GABRG3: variants seen among roughly 807,000 people sequenced by gnomAD.
GABRG3 encodes the protein gamma-aminobutyric acid receptor subunit gamma-3.
In GABRG3, 25 loss-of-function variants were observed where a neutral mutation model predicts 48.8. The observed-to-expected ratio is 0.51, with a 90% confidence interval of 0.37 to 0.72. The LOEUF (loss-of-function observed/expected upper bound fraction) is 0.72. Ranked by LOEUF, GABRG3 falls within the 30% of genes least tolerant of loss-of-function variation. The probability of loss-of-function intolerance (pLI) is 0.00; values close to 1 mark genes in which losing one functional copy is unlikely to be tolerated. For missense variants in GABRG3, 394 were observed against 577.9 expected (o/e 0.68, Z 3.26); for synonymous variants, 227 against 217.6 (o/e 1.04, Z -0.38).
chr15:27,501,871 G>T (rs1169062230), intron 6 of GABRG3, among the ~76,000 whole-genome samples: 2 of 152,076 alleles, frequency 1.3e-5, no homozygotes, highest in African/African-American at 4.8e-5. Flanking sequence ...GGAGAAGAGT[G>T]TGGGATGTGA....
intron 5 of GABRG3, among the ~76,000 whole-genome samples, chr15:27,344,617 T>G (rs1894303783): frequency 6.6e-6 from 1 of 152,196 alleles, no homozygotes; most frequent in South Asian, 2.1e-4. Flanking sequence ...ATTAAGAAAT[T>G]TGCATACCAA....
chr15:27,222,060 T>G (rs1595595368), intron 3 of GABRG3, among the ~76,000 whole-genome samples: 1 of 152,336 alleles, frequency 6.6e-6, no homozygotes, highest in Admixed American at 6.5e-5. Flanking sequence ...TCAATCCCAT[T>G]ATCTCTTCCC....
At chr15:27,312,906 A>C (rs1893044164) in intron 3 of GABRG3, among the ~76,000 whole-genome samples, 1 of 151,840 alleles carries the variant, frequency 6.6e-6, no homozygotes, top group Non-Finnish European at 1.5e-5. Context: ...AATCACTTTT[A>C]ATTCTAGTCT....
At chr15:27,441,169 C>T (rs573012262) in intron 5 of GABRG3, among the ~76,000 whole-genome samples, 1 of 152,334 alleles carries the variant, frequency 6.6e-6, no homozygotes, top group African/African-American at 2.4e-5. Flanking sequence ...TTATTTCAAG[C>T]ATCCACTTTG....
chr15:27,112,855 T>C (rs1017116847), intron 3 of GABRG3, among the ~76,000 whole-genome samples: 1 of 152,222 alleles, frequency 6.6e-6, no homozygotes, highest in Non-Finnish European at 1.5e-5. Context: ...TTTACAGCAC[T>C]GTGGTTTGTT....
intron 3 of GABRG3, among the ~76,000 whole-genome samples, chr15:27,104,831 C>T (rs1897422550): frequency 6.6e-6 from 1 of 152,192 alleles, no homozygotes; most frequent in Admixed American, 6.5e-5. Flanking sequence ...TGGAACTATA[C>T]ATTTTTCAAA....
At chr15:27,297,349 T>C (rs7162126) in intron 3 of GABRG3, among the ~76,000 whole-genome samples, 93,662 of 152,024 alleles carry the variant, frequency 0.62, 29,844 homozygotes, top group African/African-American at 0.66. Flanking sequence ...CTGGGATGTC[T>C]TGGCCTTCAC....
intron 6 of GABRG3, among the ~76,000 whole-genome samples, chr15:27,507,587 T>C (rs776538870): frequency 3.3e-5 from 5 of 152,162 alleles, no homozygotes; most frequent in Non-Finnish European, 5.9e-5. Context: ...ATGTTCTATT[T>C]TGCCGAACAT....
At chr15:27,508,058 A>C (rs1192722124) in intron 6 of GABRG3, among the ~76,000 whole-genome samples, 1 of 152,224 alleles carries the variant, frequency 6.6e-6, no homozygotes, top group Non-Finnish European at 1.5e-5. Context: ...TTTATACTTA[A>C]AGTGGCTTTT....
intron 3 of GABRG3, among the ~76,000 whole-genome samples, chr15:27,263,561 C>T (rs1212394867): frequency 2.0e-5 from 3 of 152,086 alleles, no homozygotes; most frequent in African/African-American, 7.2e-5. Flanking sequence ...ATATTTAAAA[C>T]CTTTGTTTTC....
chr15:27,423,803 A>G (rs1289361930), intron 5 of GABRG3, among the ~76,000 whole-genome samples: 3 of 144,412 alleles, frequency 2.1e-5, no homozygotes, highest in Non-Finnish European at 4.5e-5. Flanking sequence ...CCTGGACTCA[A>G]GCAATCCTCC....
intron 5 of GABRG3, among the ~76,000 whole-genome samples, chr15:27,475,505 T>C (rs1469677903): frequency 1.3e-5 from 2 of 152,054 alleles, no homozygotes; most frequent in African/African-American, 4.8e-5. Flanking sequence ...GTGACGATGA[T>C]ATTGTTGATG....
At chr15:27,403,436 G>A (rs1048109666) in intron 5 of GABRG3, among the ~76,000 whole-genome samples, 1 of 152,140 alleles carries the variant, frequency 6.6e-6, no homozygotes, top group African/African-American at 2.4e-5. Flanking sequence ...TCCAATCATG[G>A]TGAATAAGAA....
In GABRG3 at chr15:26,977,155, G is replaced by C; in HGVS notation, c.202+5G>C. 1.2e-6 allele frequency: 2 copies of C among 1,606,482 alleles called. No individual in the cohort carries two copies. The highest frequency in any genetic ancestry group is 1.7e-6 in the Non-Finnish European group (2 of 1,176,410). On this transcript the variant is annotated splice_donor_5th_base_variant and intron_variant, in intron 2 of 9. Transcript: ENST00000615808. ...AGCTGAGGCCAGATATTGGAAGTGA[G>C]TGTTGTTTTTTGTTATTCTAATAGA...
In GABRG3 at chr15:27,196,372, C is replaced by A. The variant is rs569173173; in HGVS notation, c.271-130437C>A. Among the ~76,000 whole-genome samples, 3 of 152,296 alleles carry A rather than the reference C, an allele frequency of 2.0e-5. No individual in the cohort carries two copies. In the East Asian group the frequency reaches 5.8e-4, roughly 29 times the overall value. ...TCTCTCCAGGCCCCTGCCCGACTTG[C>A]TGTCTGCTCAAACTGTGCTCGCTGT... On this transcript the variant is annotated intron_variant, in intron 3 of 9. Transcript: ENST00000615808.
intron 3 of GABRG3, among the ~76,000 whole-genome samples, chr15:27,286,127 C>G (rs1891603354): frequency 6.6e-6 from 1 of 152,206 alleles, no homozygotes. Context: ...GCTGTGCATT[C>G]AACTTTCATT....
At chr15:27,062,434 TA>T (rs57903886) in intron 3 of GABRG3, among the ~76,000 whole-genome samples, 624 of 32,858 alleles carry the variant, frequency 0.019, 36 homozygotes, top group East Asian at 0.037. Context: ...CCATCTCTAC[TA>T]AAAAAAAAAA....
chr15:27,501,255 T>C (rs1447824967), intron 6 of GABRG3, among the ~76,000 whole-genome samples: 2 of 152,160 alleles, frequency 1.3e-5, no homozygotes, highest in African/African-American at 4.8e-5. Flanking sequence ...CCGGCCAAAG[T>C]AATGTATGTT....
At chr15:27,249,525 A>G (rs541523038) in intron 3 of GABRG3, among the ~76,000 whole-genome samples, 20 of 152,274 alleles carry the variant, frequency 1.3e-4, no homozygotes, top group African/African-American at 4.8e-4. Flanking sequence ...GCCCCCGGTT[A>G]CGACATCTGC....
Sources: allele counts gnomAD v4.1 joint callset (sites outside exome capture counted in the v4.1 genomes callset), GRCh38; gene constraint gnomAD v4.1.1; transcripts MANE v1.5; gene names NCBI Gene and HGNC (gene_info 2026-07-23, HGNC 2026-07-21).